SPEF2: variants seen among roughly 807,000 people sequenced by gnomAD.
SPEF2 encodes sperm flagellar and cilia associated 2.
In SPEF2, 187 loss-of-function variants were observed where a neutral mutation model predicts 224.6. The ratio of observed to expected loss-of-function variants is 0.83; its 90% confidence interval spans 0.74 to 0.94. The LOEUF (loss-of-function observed/expected upper bound fraction) is 0.94. Ranked by LOEUF, SPEF2 falls within the 40% of genes least tolerant of loss-of-function variation. The pLI is 0.00. For synonymous variants in SPEF2, 715 were observed against 707.3 expected (o/e 1.01, Z -0.17); for missense variants, 2,170 against 2,135.6 (o/e 1.02, Z -0.32).
chr5:35,665,418 A>G (rs1204696060), intron 8 of SPEF2, among the ~76,000 whole-genome samples: 1 of 141,220 alleles, frequency 7.1e-6, no homozygotes, highest in Admixed American at 7.0e-5. Flanking sequence ...AGACAGCTGG[A>G]TGAAGGGAGG....
intron 14 of SPEF2, among the ~76,000 whole-genome samples, chr5:35,696,309 T>A (rs972564813): frequency 6.6e-6 from 1 of 152,192 alleles, no homozygotes; most frequent in African/African-American, 2.4e-5. Flanking sequence ...TTGATTTTTT[T>A]ATTATGCATC....
intron 34 of SPEF2, among the ~76,000 whole-genome samples, chr5:35,806,298 A>G (rs1758045641): frequency 6.6e-6 from 1 of 152,316 alleles, no homozygotes; most frequent in East Asian, 1.9e-4. Flanking sequence ...AATGTTTCTG[A>G]AGCTCTTAGA....
chr5:35,639,229 C>T (rs1274797235), intron 2 of SPEF2, among the ~76,000 whole-genome samples: 2 of 152,144 alleles, frequency 1.3e-5, no homozygotes, highest in African/African-American at 2.4e-5. Flanking sequence ...CTAACTTTCT[C>T]TCTCACCACG....
At chr5:35,732,441 C>T (rs982382920) in intron 21 of SPEF2, among the ~76,000 whole-genome samples, 1 of 151,902 alleles carries the variant, frequency 6.6e-6, no homozygotes, top group East Asian at 1.9e-4. Context: ...AACTAGAAAC[C>T]AGAGAGAGAA....
At chr5:35,758,224 T>C (rs1295210079) in intron 24 of SPEF2, among the ~76,000 whole-genome samples, 1 of 152,186 alleles carries the variant, frequency 6.6e-6, no homozygotes, top group Non-Finnish European at 1.5e-5. Flanking sequence ...TTGTTTTTCT[T>C]TTTACAAAGA....
intron 6 of SPEF2, among the ~76,000 whole-genome samples, 155 bp downstream of exon 6, chr5:35,649,580 C>T (rs1747898170): frequency 6.6e-6 from 1 of 152,100 alleles, no homozygotes; most frequent in South Asian, 2.1e-4. Flanking sequence ...GATAAATGAG[C>T]TAAAGTTCAG....
chr5:35,811,848 A>G (rs1758555539), intron 36 of SPEF2, among the ~76,000 whole-genome samples: 1 of 145,446 alleles, frequency 6.9e-6, no homozygotes, highest in South Asian at 2.2e-4. Context: ...TCAGTGGTGC[A>G]ATCTTGGCTC....
At chr5:35,728,832 C>T (rs1383765993) in intron 21 of SPEF2, among the ~76,000 whole-genome samples, 2 of 151,758 alleles carry the variant, frequency 1.3e-5, no homozygotes, top group African/African-American at 4.8e-5. Context: ...TGTAATTGAC[C>T]TCACTCAGCC....
chr5:35,748,561 C>G (rs530625409), intron 23 of SPEF2, among the ~76,000 whole-genome samples: 2 of 152,010 alleles, frequency 1.3e-5, no homozygotes, highest in African/African-American at 4.8e-5. Flanking sequence ...ACACATAAAC[C>G]TGAAAACCTA....
intron 10 of SPEF2, among the ~76,000 whole-genome samples, chr5:35,676,545 A>G (rs906877530): frequency 1.8e-4 from 28 of 152,146 alleles, no homozygotes; most frequent in Non-Finnish European, 1.9e-4. Context: ...CCTGGCCAAC[A>G]TGGTGAAACC....
chr5:35,677,068 G>A (rs1470602443), intron 10 of SPEF2, among the ~76,000 whole-genome samples: 1 of 152,132 alleles, frequency 6.6e-6, no homozygotes. Context: ...GGTGGCAGTA[G>A]TCATTATAGA....
At chr5:35,794,012 G>A (rs548961999) in intron 32 of SPEF2, among the ~76,000 whole-genome samples, 3 of 152,318 alleles carry the variant, frequency 2.0e-5, no homozygotes, top group South Asian at 2.1e-4. Flanking sequence ...GCCACTGGAC[G>A]TGGCAGGTGG....
chr5:35,767,859 A>G (rs937874813), intron 26 of SPEF2, among the ~76,000 whole-genome samples: 1 of 152,132 alleles, frequency 6.6e-6, no homozygotes, highest in African/African-American at 2.4e-5. Flanking sequence ...ACTTGCCATC[A>G]TAGAATCTCA....
chr5:35,760,939 C>A (rs905313921), intron 25 of SPEF2, among the ~76,000 whole-genome samples: 22 of 151,906 alleles, frequency 1.4e-4, no homozygotes, highest in African/African-American at 5.3e-4. Context: ...TTAAAACAAT[C>A]CTTTTTAATA....
In SPEF2 at chr5:35,670,119, A is replaced by G. The variant is rs752761702; in HGVS notation, c.1416A>G (p.Ile472Met). ...AACTATTTTTTAATGCAAAACCCAT[A>G]TATGAACAAGCCTCTGTTAAGACAC... is the stretch of plus-strand genomic sequence containing the variant. ...WKELFFNAKP[I>M]YEQASVKTLP... The change falls in exon 10 of 37, where the codon ATA (isoleucine) becomes ATG (methionine). Residue 472 changes from isoleucine to methionine, a missense_variant. Transcript: ENST00000356031. 2.8e-5 allele frequency: 45 copies of G among 1,612,062 alleles called. No individual in the cohort carries two copies. Among genetic ancestry groups the G allele is most frequent in the Admixed American group, 2.2e-4 (13 of 59,824 alleles).
intron 30 of SPEF2, chr5:35,788,095 C>T: frequency 1.4e-6 from 1 of 702,924 alleles, no homozygotes; most frequent in Non-Finnish European, 2.6e-6. Flanking sequence ...GTACTGACAA[C>T]TTTAGGACTG....
intron 36 of SPEF2, chr5:35,807,676 C>G: frequency 3.3e-6 from 5 of 1,536,018 alleles, no homozygotes; most frequent in Non-Finnish European, 4.4e-6. Context: ...ATAGTGTGTG[C>G]AAAAGGTTGG....
intron 4 of SPEF2, among the ~76,000 whole-genome samples, chr5:35,644,854 C>G (rs775380954): frequency 6.6e-6 from 1 of 152,166 alleles, no homozygotes; most frequent in African/African-American, 2.4e-5. Context: ...CCCCATTGGT[C>G]AAAGGCACAT....
intron 36 of SPEF2, among the ~76,000 whole-genome samples, chr5:35,811,543 T>C (rs1758529596): frequency 6.6e-6 from 1 of 152,000 alleles, no homozygotes; most frequent in South Asian, 2.1e-4. Context: ...TGTGTGGCCT[T>C]CGGCAAGTGA....
Sources: allele counts gnomAD v4.1 joint callset (sites outside exome capture counted in the v4.1 genomes callset), GRCh38; gene constraint gnomAD v4.1.1; transcripts MANE v1.5; gene names NCBI Gene and HGNC (gene_info 2026-07-23, HGNC 2026-07-21).